FRMD5: variants seen among roughly 807,000 people sequenced by gnomAD.
FRMD5 encodes the protein FERM domain containing 5.
Under a neutral mutation model 69.0 loss-of-function variants are expected in FRMD5, and 20 were observed. That is an observed-to-expected ratio of 0.29 (90% CI 0.20 to 0.42). The LOEUF is 0.42. Among genes scored for constraint, FRMD5 ranks in the 10% least tolerant of loss-of-function variants. The pLI, the probability that FRMD5 is intolerant of heterozygous loss-of-function variation, is 1.00. For synonymous variants in FRMD5, 271 were observed against 260.1 expected, an observed-to-expected ratio of 1.04 and a Z score of -0.40; for missense variants, 595 against 708.6, an observed-to-expected ratio of 0.84 and a Z score of 1.82.
chr15:44,063,908 T>C (rs867801000), intron 1 of FRMD5: 2 of 278,560 alleles, frequency 7.2e-6, no homozygotes, highest in South Asian at 7.6e-5. Context: ...ATGTTTGTAA[T>C]GGGTGTGAAC....
upstream of FRMD5, among the ~76,000 whole-genome samples, chr15:44,197,635 T>C (rs899498820): frequency 1.4e-5 from 2 of 143,110 alleles, no homozygotes; most frequent in Non-Finnish European, 3.0e-5. Flanking sequence ...TGAGCTGAGA[T>C]TGGCCACTGC....
intron 1 of FRMD5, among the ~76,000 whole-genome samples, chr15:44,147,332 T>C (rs1267406029): frequency 3.3e-5 from 5 of 152,164 alleles, no homozygotes; most frequent in Admixed American, 3.3e-4. Flanking sequence ...GAGATCTCTA[T>C]TCTGTTCCAC....
chr15:43,900,798 T>A (rs982271139), intron 7 of FRMD5, among the ~76,000 whole-genome samples: 4 of 152,110 alleles, frequency 2.6e-5, no homozygotes, highest in African/African-American at 9.7e-5. Flanking sequence ...TTTATATTTT[T>A]AGTAGAGACA....
rs1471154203 is a variant in FRMD5 at position 44,082,085 on chromosome 15, TA to T, written c.102+112867del. ...ATTTTCAAAAATAAATTGAATTTTTTATTTTTATAAATACCAAAATTCTTAT... is the reference window on the plus strand; with the variant it reads ...ATTTTCAAAAATAAATTGAATTTTTTTTTTTATAAATACCAAAATTCTTAT... On this transcript the variant is annotated intron_variant, in intron 1 of 13. Transcript: ENST00000417257. Among the ~76,000 whole-genome samples, 3 of 152,180 alleles carry T rather than the reference TA, an allele frequency of 2.0e-5. No homozygotes were observed. The East Asian group carries it at 5.8e-4, about 29-fold the overall frequency.
chr15:44,005,296 C>T (rs889997378), intron 1 of FRMD5, among the ~76,000 whole-genome samples: 7 of 152,008 alleles, frequency 4.6e-5, no homozygotes, highest in African/African-American at 1.7e-4. Flanking sequence ...GCCTGGCCAA[C>T]ATGGTGAAAC....
chr15:44,190,836 T>C (rs1197001946), intron 1 of FRMD5, among the ~76,000 whole-genome samples: 1 of 152,254 alleles, frequency 6.6e-6, no homozygotes, highest in East Asian at 1.9e-4. Flanking sequence ...ATTAAAACTA[T>C]GTAAGGCATC....
intron 1 of FRMD5, among the ~76,000 whole-genome samples, chr15:44,061,599 C>T (rs1018495424): frequency 6.6e-6 from 1 of 152,204 alleles, no homozygotes; most frequent in Non-Finnish European, 1.5e-5. Context: ...TTATGCCAGT[C>T]CAATTTACCT....
upstream of FRMD5, among the ~76,000 whole-genome samples, chr15:44,197,013 A>G (rs1257492151): frequency 1.3e-5 from 2 of 152,216 alleles, no homozygotes; most frequent in Non-Finnish European, 2.9e-5. Context: ...TGCCTGAAAC[A>G]TAATAGGTAT....
chr15:44,109,404 C>A (rs2076765648), intron 1 of FRMD5, among the ~76,000 whole-genome samples: 1 of 152,114 alleles, frequency 6.6e-6, no homozygotes, highest in Non-Finnish European at 1.5e-5. Context: ...CACCTATTAT[C>A]TTCTGGTTTG....
intron 1 of FRMD5, among the ~76,000 whole-genome samples, chr15:44,060,063 G>A (rs891882252): frequency 6.6e-6 from 1 of 152,250 alleles, no homozygotes; most frequent in Non-Finnish European, 1.5e-5. Flanking sequence ...AAGAAGGTAA[G>A]TGGAGAGAGC....
At chr15:43,886,500 C>A (rs1400960221) in intron 10 of FRMD5, among the ~76,000 whole-genome samples, 1 of 152,172 alleles carries the variant, frequency 6.6e-6, no homozygotes, top group Non-Finnish European at 1.5e-5. Context: ...TCACTGAGCC[C>A]ATTAGCTCTC....
At chr15:44,061,620 G>C (rs1893090282) in intron 1 of FRMD5, among the ~76,000 whole-genome samples, 1 of 152,180 alleles carries the variant, frequency 6.6e-6, no homozygotes. Context: ...GCTGCTGTCA[G>C]GGAAGTCCAT....
At chr15:43,936,354 G>C (rs1345864475) in intron 1 of FRMD5, among the ~76,000 whole-genome samples, 1 of 152,146 alleles carries the variant, frequency 6.6e-6, no homozygotes, top group East Asian at 1.9e-4. Context: ...ACCACACCCA[G>C]TTAATTTTTA....
chr15:44,038,520 C>CTTTT (rs71111834), intron 1 of FRMD5, among the ~76,000 whole-genome samples: 1 of 63,200 alleles, frequency 1.6e-5, no homozygotes, highest in Non-Finnish European at 2.8e-5. Context: ...CTAGCCAGAG[C>CTTTT]TTTTTTTTTT....
chr15:43,924,016 C>G (rs1490448886), intron 2 of FRMD5, among the ~76,000 whole-genome samples, 189 bp downstream of exon 2: 1 of 152,210 alleles, frequency 6.6e-6, no homozygotes, highest in Non-Finnish European at 1.5e-5. Flanking sequence ...AAATGACAAG[C>G]TTCTCCAGGT....
chr15:43,927,694 T>C (rs569155158), intron 1 of FRMD5, among the ~76,000 whole-genome samples: 2 of 152,164 alleles, frequency 1.3e-5, no homozygotes, highest in Non-Finnish European at 2.9e-5. Context: ...AATTTTACTT[T>C]GCACCAAGCT....
At chr15:43,876,390 G>C in intron 13 of FRMD5, 1 of 735,808 alleles carries the variant, frequency 1.4e-6, no homozygotes, top group Admixed American at 2.0e-5. Flanking sequence ...GCTTTAAGAG[G>C]CAGGAATGGG....
chr15:44,117,028 C>T (rs892054880), intron 1 of FRMD5, among the ~76,000 whole-genome samples: 1 of 151,866 alleles, frequency 6.6e-6, no homozygotes, highest in African/African-American at 2.4e-5. Context: ...TCACTTGAAC[C>T]CGGGAGGCAG....
chr15:44,023,150 G>A (rs1595636211), intron 1 of FRMD5, among the ~76,000 whole-genome samples: 2 of 152,300 alleles, frequency 1.3e-5, no homozygotes, highest in South Asian at 4.1e-4. Flanking sequence ...GTACACTCCT[G>A]GGTTGAGGTC....
Sources: allele counts gnomAD v4.1 joint callset (sites outside exome capture counted in the v4.1 genomes callset), GRCh38; gene constraint gnomAD v4.1.1; transcripts MANE v1.5; gene names NCBI Gene and HGNC (gene_info 2026-07-23, HGNC 2026-07-21).